Variants in ISG20 observed in about 807,000 individuals in gnomAD.
ISG20 encodes interferon stimulated exonuclease gene 20.
In ISG20, 8 loss-of-function variants were observed where a neutral mutation model predicts 11.1. That is an observed-to-expected ratio of 0.72 (90% CI 0.42 to 1.30). The LOEUF (loss-of-function observed/expected upper bound fraction) is 1.30, where lower values mean the gene tolerates loss of function less well. Ranked by LOEUF, ISG20 falls within the 50% of genes most tolerant of loss-of-function variation. The pLI, the probability that ISG20 is intolerant of heterozygous loss-of-function variation, is 0.01. For synonymous variants in ISG20, 110 were observed against 101.7 expected (o/e 1.08, Z -0.49); for missense variants, 243 against 250.2 (o/e 0.97, Z 0.19).
At chr15:88,638,052 C>A (rs2058013364), upstream of ISG20, among the ~76,000 whole-genome samples, 1 of 152,154 alleles carries the variant, frequency 6.6e-6, no homozygotes, top group Non-Finnish European at 1.5e-5. Context: ...GTTGGGCATC[C>A]AAATCCCACT....
chr15:88,642,906 G>A (rs1465611672), intron 2 of ISG20, among the ~76,000 whole-genome samples: 2 of 151,778 alleles, frequency 1.3e-5, no homozygotes, highest in Non-Finnish European at 2.9e-5. Flanking sequence ...ATGAGCCACT[G>A]CATCTGGCTG....
In ISG20 at chr15:88,639,166, A is replaced by G; in HGVS notation, c.-25+90A>G. On this transcript the variant is annotated intron_variant, in intron 1 of 3. Transcript: ENST00000306072. The surrounding 1 kb of genome is among the most constrained non-coding windows in gnomAD (Gnocchi z 4.2). Reference sequence around the variant, plus strand: ...TGCGGGGCAGGCCAGAGGCCCTGGGACACACGGGCAGGGTAAGGCAGGGGA... The same window carrying G: ...TGCGGGGCAGGCCAGAGGCCCTGGGGCACACGGGCAGGGTAAGGCAGGGGA... The G allele has an allele frequency of 1.7e-6, 1 of 596,166 alleles. No homozygotes were observed. Among genetic ancestry groups the G allele is most frequent in the Non-Finnish European group, 3.0e-6 (1 of 335,276 alleles). The allele number at this position is 596,166 out of a possible 1,614,324, so 36.9% of individuals were successfully genotyped here. A position where few individuals can be genotyped will look rare whatever the true frequency, so the allele number is the denominator to read the frequency against.
chr15:88,635,881 C>T (rs758890516), upstream of ISG20, among the ~76,000 whole-genome samples: 1 of 152,088 alleles, frequency 6.6e-6, no homozygotes, highest in Non-Finnish European at 1.5e-5. Context: ...TGAAAAATCT[C>T]TCCCAAAATT....
chr15:88,635,948 C>CAA (rs1274979751), upstream of ISG20, among the ~76,000 whole-genome samples: 22 of 152,116 alleles, frequency 1.4e-4, no homozygotes, highest in Non-Finnish European at 1.5e-5. Context: ...CAGTTCAAGC[C>CAA]CATGTTGTTC....
At chr15:88,653,901 G>A (rs1472346384) in intron 3 of ISG20, among the ~76,000 whole-genome samples, 1 of 152,194 alleles carries the variant, frequency 6.6e-6, no homozygotes, top group Non-Finnish European at 1.5e-5. Flanking sequence ...GGCTGCACAG[G>A]AAAGGAAAGA....
At chr15:88,654,744 C>T (rs896528422) in intron 3 of ISG20, among the ~76,000 whole-genome samples, 2 of 152,210 alleles carry the variant, frequency 1.3e-5, no homozygotes, top group African/African-American at 2.4e-5. Flanking sequence ...GGTTTAACTT[C>T]AGCCTAGTGC....
At chr15:88,645,499 A>G (rs2058157079) in intron 2 of ISG20, among the ~76,000 whole-genome samples, 1 of 151,970 alleles carries the variant, frequency 6.6e-6, no homozygotes, top group South Asian at 2.1e-4. Context: ...GAACTTCCCT[A>G]AACCTGGCTC....
chr15:88,654,672 C>G (rs1452711191), intron 3 of ISG20, among the ~76,000 whole-genome samples: 1 of 152,158 alleles, frequency 6.6e-6, no homozygotes, highest in East Asian at 1.9e-4. Flanking sequence ...AACTGGCTGG[C>G]TTGTGTGTGA....
chr15:88,654,986 C>A (rs1450374187), intron 3 of ISG20, among the ~76,000 whole-genome samples: 3 of 152,174 alleles, frequency 2.0e-5, no homozygotes, highest in Non-Finnish European at 4.4e-5. Context: ...GAAATGCTTG[C>A]GGCCTTTCCT....
upstream of ISG20, among the ~76,000 whole-genome samples, chr15:88,637,668 T>C (rs901393910): frequency 6.6e-5 from 10 of 151,760 alleles, no homozygotes; most frequent in African/African-American, 2.4e-4. Context: ...CCCGAGGAGG[T>C]GAGCAGAGGT....
At chr15:88,653,618 T>C (rs2058325341) in intron 3 of ISG20, among the ~76,000 whole-genome samples, 2 of 152,104 alleles carry the variant, frequency 1.3e-5, no homozygotes, top group African/African-American at 4.8e-5. Context: ...TCCCAGGCTC[T>C]GTCCCTGGGC....
Position 88,655,496 on chromosome 15 carries a change from C to T in ISG20, c.511C>T (p.Arg171Cys), listed in dbSNP as rs201990507. ...LYQISQRIRA[R>C]RGLPRLAVSD ...TCAAATCTCCCAGAGAATCCGAGCCCGCCGAGGGCTGCCCCGCCTGGCTGT... is the reference window on the plus strand; with the variant it reads ...TCAAATCTCCCAGAGAATCCGAGCCTGCCGAGGGCTGCCCCGCCTGGCTGT... The change falls in exon 4 of 4, where the codon CGC (arginine) becomes TGC (cysteine). Residue 171 changes from arginine (R) to cysteine (C), a missense_variant. By Grantham distance (180) the Arg-to-Cys change is radical. Coordinates refer to ENST00000306072, the MANE Select transcript of ISG20 (RefSeq NM_002201.6). 1.8e-4 allele frequency: 291 copies of T among 1,613,576 alleles called. No individual in the cohort carries two copies. The highest frequency in any genetic ancestry group is 2.3e-4 in the Non-Finnish European group (268 of 1,179,984).
chr15:88,641,384 A>G (rs971797028), intron 2 of ISG20, among the ~76,000 whole-genome samples: 2 of 151,568 alleles, frequency 1.3e-5, no homozygotes, highest in Admixed American at 6.6e-5. Flanking sequence ...AGCACCACAC[A>G]CTGGTGGCTT....
In ISG20 at chr15:88,650,384, C is replaced by G. The variant is rs2058253905; in HGVS notation, c.229-1726C>G. 6.5e-7 allele frequency: 1 copy of G among 1,528,718 alleles called. No homozygotes were observed. Among genetic ancestry groups the G allele is most frequent in the East Asian group, 2.5e-5 (1 of 40,752 alleles). The allele number at this position is 1,528,718 out of a possible 1,614,324, so 94.7% of individuals were successfully genotyped here. On this transcript the variant is annotated intron_variant, in intron 2 of 3. Transcript: ENST00000306072. The surrounding 1 kb of genome is among the most constrained non-coding windows in gnomAD (Gnocchi z 4.0). ...GCTGGGCGCCTGGGCTGCTGGAGGC[C>G]TGGAGTGGTCGTTCACTCTTCTGGC...
intron 2 of ISG20, chr15:88,651,771 A>G: frequency 1.6e-5 from 17 of 1,075,896 alleles, no homozygotes; most frequent in Non-Finnish European, 1.9e-5. Flanking sequence ...CTGCCATAAT[A>G]GAATTGTTGG....
Position 88,639,481 on chromosome 15 carries a change from T to TACGAC in ISG20, c.117_121dup (p.Lys41ThrfsTer37). ...CGTGAACGTCCACGGTGCTGTGCTG[T>TACGAC]ACGACAAGTTCATCCGGCCTGAGGG... On this transcript the variant is annotated frameshift_variant, in exon 2 of 4. Coordinates refer to ENST00000306072, the MANE Select transcript of ISG20 (RefSeq NM_002201.6). LOFTEE classifies it high-confidence loss of function. The surrounding 1 kb of genome is among the most constrained non-coding windows in gnomAD (Gnocchi z 4.2). 2 of 1,614,072 alleles carry TACGAC rather than the reference T, an allele frequency of 1.2e-6. No homozygotes were observed. The highest frequency in any genetic ancestry group is 1.7e-6 in the Non-Finnish European group (2 of 1,180,006).
At chr15:88,653,835 A>G (rs1466293915) in intron 3 of ISG20, among the ~76,000 whole-genome samples, 2 of 152,076 alleles carry the variant, frequency 1.3e-5, no homozygotes, top group Non-Finnish European at 2.9e-5. Flanking sequence ...CTGCCCCTCG[A>G]GGGAGTGAAA....
Position 88,639,586 on chromosome 15 carries a change from A to C in ISG20, c.220A>C (p.Arg74=). ...MVGATPFAVA[R]LEILQLLKGK... The stretch of plus-strand genomic sequence containing the variant: ...GGGGGCCACACCATTTGCCGTGGCC[A>C]GGCTAGAGGTGAGTGAAGGCCCGGC... The change falls in exon 2 of 4, where the codon AGG becomes CGG. Residue 74 remains arginine (R), a synonymous_variant. Transcript: ENST00000306072. The surrounding 1 kb of genome is among the most constrained non-coding windows in gnomAD (Gnocchi z 4.2). 6.2e-7 allele frequency: 1 copy of C among 1,613,758 alleles called. No individual in the cohort carries two copies. Among genetic ancestry groups the C allele is most frequent in the South Asian group, 1.1e-5 (1 of 91,084 alleles).
intron 3 of ISG20, among the ~76,000 whole-genome samples, chr15:88,653,511 G>A (rs1393029599): frequency 1.3e-5 from 2 of 152,134 alleles, no homozygotes; most frequent in African/African-American, 4.8e-5. Flanking sequence ...TAGCCTCAAG[G>A]CACATAAGGC....
Sources: gnomAD v4.1 joint callset for allele counts (sites outside exome capture counted in the v4.1 genomes callset) on GRCh38, gnomAD v4.1.1 for gene constraint, Gnocchi (gnomAD v3.1) non-coding constraint, MANE v1.5 for transcripts, NCBI Gene and HGNC (gene_info 2026-07-23, HGNC 2026-07-21) for gene names.